FGF12: variants seen among roughly 807,000 people sequenced by gnomAD.
The protein encoded by FGF12 is fibroblast growth factor 12.
A neutral mutation model predicts 23.6 loss-of-function variants in FGF12; 14 were observed. The ratio of observed to expected loss-of-function variants is 0.59; its 90% CI spans 0.39 to 0.93. The LOEUF (loss-of-function observed/expected upper bound fraction) is 0.93, where lower values mean the gene tolerates loss of function less well. Among genes scored for constraint, FGF12 ranks in the 40% least tolerant of loss-of-function variants. The pLI, the probability that FGF12 is intolerant of heterozygous loss-of-function variation, is 0.00. For synonymous variants in FGF12, 62 were observed against 77.3 expected, an observed-to-expected ratio of 0.80 and a Z score of 1.04; for missense variants, 175 against 217.8, an observed-to-expected ratio of 0.80 and a Z score of 1.24.
intron 3 of FGF12, among the ~76,000 whole-genome samples, chr3:192,354,880 T>TA (rs1718397542): frequency 6.6e-6 from 1 of 152,148 alleles, no homozygotes; most frequent in South Asian, 2.1e-4. Context: ...TAATTTTTCT[T>TA]GTATTTTTAG....
intron 2 of FGF12, among the ~76,000 whole-genome samples, chr3:192,618,730 C>T (rs1176110724): frequency 1.3e-5 from 2 of 151,858 alleles, no homozygotes; most frequent in Non-Finnish European, 2.9e-5. Flanking sequence ...ACAAATGTGG[C>T]TTCTGCCTTC....
At chr3:192,480,098 A>G (rs944998888) in intron 2 of FGF12, among the ~76,000 whole-genome samples, 4 of 152,198 alleles carry the variant, frequency 2.6e-5, no homozygotes, top group Non-Finnish European at 5.9e-5. Context: ...GCTGGCACCA[A>G]CAAGTAGAAT....
chr3:192,516,349 G>C (rs1268259574), intron 2 of FGF12: 1 of 152,164 alleles, frequency 6.6e-6, no homozygotes, highest in African/African-American at 2.4e-5. Context: ...TTTTCCCTGA[G>C]GTTGAGCCAA....
At chr3:192,183,077 A>T (rs1383532770) in intron 4 of FGF12, among the ~76,000 whole-genome samples, 1 of 152,338 alleles carries the variant, frequency 6.6e-6, no homozygotes, top group East Asian at 1.9e-4. Flanking sequence ...ATAATGGTCA[A>T]TGAAGGAGAA....
intron 2 of FGF12, among the ~76,000 whole-genome samples, chr3:192,540,008 C>T (rs1032375109): frequency 2.6e-5 from 4 of 151,772 alleles, no homozygotes; most frequent in African/African-American, 9.7e-5. Flanking sequence ...TCATTTTCAC[C>T]TCTGATTTTT....
intron 5 of FGF12, among the ~76,000 whole-genome samples, chr3:192,167,204 T>C (rs1715213607): frequency 6.6e-6 from 1 of 151,382 alleles, no homozygotes; most frequent in African/African-American, 2.4e-5. Context: ...TTAGCTTCTT[T>C]ACACCTAAGT....
chr3:192,328,406 C>T (rs1459197455), intron 4 of FGF12, among the ~76,000 whole-genome samples: 1 of 152,188 alleles, frequency 6.6e-6, no homozygotes, highest in Non-Finnish European at 1.5e-5. Flanking sequence ...GACATAGAGG[C>T]TCAGGTGAGC....
At chr3:192,621,706 A>AAC (rs1258733216) in intron 2 of FGF12, among the ~76,000 whole-genome samples, 1 of 150,728 alleles carries the variant, frequency 6.6e-6, no homozygotes, top group Non-Finnish European at 1.5e-5. Flanking sequence ...AAAAAAAAAA[A>AAC]AAAAGGAACA....
At chr3:192,586,277 C>T (rs538704353) in intron 2 of FGF12, among the ~76,000 whole-genome samples, 62 of 152,210 alleles carry the variant, frequency 4.1e-4, no homozygotes, top group Non-Finnish European at 7.9e-4. Flanking sequence ...TATTACCCTA[C>T]ACTGGATTTC....
chr3:192,263,360 G>A (rs1293234836), intron 4 of FGF12, among the ~76,000 whole-genome samples: 1 of 151,922 alleles, frequency 6.6e-6, no homozygotes, highest in Non-Finnish European at 1.5e-5. Flanking sequence ...CTTTGACTCA[G>A]CAGCATTAAT....
chr3:192,483,866 A>G (rs1417534058), intron 2 of FGF12, among the ~76,000 whole-genome samples: 2 of 152,222 alleles, frequency 1.3e-5, no homozygotes, highest in Non-Finnish European at 1.5e-5. Context: ...ACACATCAAT[A>G]GAAAATAAAA....
intron 5 of FGF12, among the ~76,000 whole-genome samples, chr3:192,162,376 C>T (rs912483281): frequency 6.6e-5 from 10 of 151,966 alleles, no homozygotes; most frequent in South Asian, 2.1e-4. Flanking sequence ...TGAACAAAAG[C>T]GTCTGTATGT....
intron 4 of FGF12, among the ~76,000 whole-genome samples, chr3:192,249,464 C>G (rs1711855368): frequency 6.6e-6 from 1 of 152,118 alleles, no homozygotes; most frequent in Non-Finnish European, 1.5e-5. Flanking sequence ...AATTTTTCCA[C>G]CACTTCATGA....
intron 2 of FGF12, among the ~76,000 whole-genome samples, chr3:192,695,057 AG>A (rs952797294): frequency 2.0e-5 from 3 of 152,176 alleles, no homozygotes; most frequent in Non-Finnish European, 2.9e-5. Context: ...GTGAGACGAC[AG>A]ATGTGTCAAC....
chr3:192,367,171 T>A (rs1362367682), intron 2 of FGF12, among the ~76,000 whole-genome samples: 2 of 152,206 alleles, frequency 1.3e-5, no homozygotes, highest in Non-Finnish European at 2.9e-5. Flanking sequence ...ACAATTTCAC[T>A]TTTCTGTTTC....
intron 4 of FGF12, among the ~76,000 whole-genome samples, chr3:192,325,671 G>C (rs1441399440): frequency 6.6e-6 from 1 of 152,116 alleles, no homozygotes; most frequent in Non-Finnish European, 1.5e-5. Flanking sequence ...GTTTTATAAA[G>C]CCTGCGTATC....
rs373313451 is a variant in FGF12 at position 192,661,888 on chromosome 3, A to G, written c.13+65293T>C. On this transcript the variant is annotated intron_variant, in intron 2 of 5. Coordinates refer to ENST00000445105, the MANE Select transcript of FGF12 (RefSeq NM_004113.6). ...GACAAACAGACCCAGTTCAAATCGT[A>G]GCTTTACTACTTAAAAGCTGCATAA... is the stretch of plus-strand genomic sequence containing the variant. 2.0e-5 allele frequency among the ~76,000 whole-genome samples: 3 copies of G among 152,218 alleles called. No homozygotes were observed. The East Asian group carries it at 5.8e-4, about 29-fold the overall frequency.
chr3:192,275,846 C>T (rs1296373020), intron 4 of FGF12, among the ~76,000 whole-genome samples: 1 of 152,088 alleles, frequency 6.6e-6, no homozygotes, highest in Non-Finnish European at 1.5e-5. Flanking sequence ...ATTGGCTTGA[C>T]CACATTGTTC....
rs150875020 is a variant in FGF12, at chr3:192,456,069, T to G, written c.14-95531A>C. ...ATTACCTAAACTCTGAAAAGATGAT[T>G]GATACATTAGGTATCACTATTCTGG... is the stretch of plus-strand genomic sequence containing the variant. On this transcript the variant is annotated intron_variant, in intron 2 of 5. Transcript: ENST00000445105. Among the ~76,000 whole-genome samples, 86 of 152,310 alleles carry G rather than the reference T, an allele frequency of 5.6e-4. No homozygotes were observed. In the East Asian group the frequency reaches 0.013, roughly 24 times the overall value.
Sources: gnomAD v4.1 joint callset for allele counts (sites outside exome capture counted in the v4.1 genomes callset) on GRCh38, gnomAD v4.1.1 for gene constraint, MANE v1.5 for transcripts, NCBI Gene and HGNC (gene_info 2026-07-23, HGNC 2026-07-21) for gene names.